FYCO1: variants seen among roughly 807,000 people sequenced by gnomAD.
The protein encoded by FYCO1 is FYVE and coiled-coil domain autophagy adaptor 1, also known as FYVE and coiled-coil domain-containing protein 1.
FYCO1 carries 122 observed loss-of-function variants against 165.1 expected under a neutral mutation model. That is an observed-to-expected ratio of 0.74 (90% CI 0.64 to 0.86). FYCO1 has a LOEUF of 0.86. FYCO1 is among the 40% of genes least tolerant of loss of function. The pLI is 0.00. For synonymous variants in FYCO1, 648 were observed against 742.5 expected, an observed-to-expected ratio of 0.87 and a Z score of 2.07; for missense variants, 1,702 against 1,810.3, an observed-to-expected ratio of 0.94 and a Z score of 1.09.
intron 15 of FYCO1, among the ~76,000 whole-genome samples, chr3:45,935,828 C>T (rs747567345): frequency 2.0e-5 from 3 of 152,094 alleles, no homozygotes; most frequent in Non-Finnish European, 4.4e-5. Flanking sequence ...GCTCTAAGCA[C>T]CTAAAATAGT....
At chr3:45,958,830 TG>T (rs1705518307) in intron 12 of FYCO1, among the ~76,000 whole-genome samples, 1 of 152,216 alleles carries the variant, frequency 6.6e-6, no homozygotes, top group Admixed American at 6.5e-5. Context: ...CCTAAGGTCC[TG>T]GGAGGCAGGG....
intron 15 of FYCO1, among the ~76,000 whole-genome samples, chr3:45,932,883 C>T (rs1703701212): frequency 6.6e-6 from 1 of 152,180 alleles, no homozygotes; most frequent in African/African-American, 2.4e-5. Context: ...CATTCTGGAA[C>T]AGACATCTTT....
At chr3:45,975,990 C>G (rs1176597588) in intron 4 of FYCO1, among the ~76,000 whole-genome samples, 1 of 152,242 alleles carries the variant, frequency 6.6e-6, no homozygotes. Flanking sequence ...TCTGCCAACG[C>G]TTTCCTGGTT....
intron 16 of FYCO1, among the ~76,000 whole-genome samples, chr3:45,928,101 G>C (rs150212602): frequency 6.6e-6 from 1 of 152,204 alleles, no homozygotes; most frequent in Admixed American, 6.5e-5. Flanking sequence ...AGGTTGGGGA[G>C]TGACTGCTAA....
intron 6 of FYCO1, among the ~76,000 whole-genome samples, chr3:45,971,753 G>C (rs190752349): frequency 1.3e-3 from 192 of 152,274 alleles, no homozygotes; most frequent in Middle Eastern, 6.8e-3. Context: ...GACTAGAGAG[G>C]CATAGCAATT....
chr3:45,952,426 T>C (rs1705083550), intron 14 of FYCO1, among the ~76,000 whole-genome samples: 1 of 152,186 alleles, frequency 6.6e-6, no homozygotes, highest in South Asian at 2.1e-4. Context: ...AGGAAAAAGC[T>C]ACCAGAAATG....
chr3:45,983,286 T>C (rs1434537790), intron 2 of FYCO1, among the ~76,000 whole-genome samples: 1 of 152,208 alleles, frequency 6.6e-6, no homozygotes, highest in East Asian at 1.9e-4. Flanking sequence ...TGGGCTGCCC[T>C]GCAGAGGAGT....
Position 45,967,964 on chromosome 3 carries a change from T to G in FYCO1, c.1370A>C (p.Glu457Ala). 1 of 1,614,112 alleles carries G rather than the reference T, an allele frequency of 6.2e-7. No homozygotes were observed. Among genetic ancestry groups the G allele is most frequent in the Non-Finnish European group, 8.5e-7 (1 of 1,180,014 alleles). ...RLVKEMAPLQ[E>A]ELSGKGQEAD... ...CTCCTGTCCCTTCCCAGACAACTCC[T>G]CCTGGAGTGGGGCCATCTCCTTCAC... Residue 457 changes from glutamate (E) to alanine (A), a missense_variant, in exon 8 of 18, where the codon GAG becomes GCG. Transcript: ENST00000296137.
chr3:45,984,449 T>C (rs6802312), intron 2 of FYCO1: 265,894 of 350,464 alleles, frequency 0.76, 104,695 homozygotes, highest in East Asian at 1. Flanking sequence ...CAAAACAAGA[T>C]AGGTGGGTCT....
intron 5 of FYCO1, 139 bp downstream of exon 5, chr3:45,975,100 A>G (rs1490357009): frequency 2.7e-6 from 2 of 745,864 alleles, no homozygotes; most frequent in African/African-American, 1.7e-5. Flanking sequence ...GGTGGAAGAC[A>G]ATGATATATG....
chr3:45,922,631 G>T (rs1470897763), intron 17 of FYCO1, among the ~76,000 whole-genome samples: 1 of 152,182 alleles, frequency 6.6e-6, no homozygotes. Flanking sequence ...AACTCCAGGG[G>T]TGCTTTCATT....
intron 6 of FYCO1, among the ~76,000 whole-genome samples, chr3:45,971,308 T>C (rs917795270): frequency 2.6e-5 from 4 of 152,182 alleles, no homozygotes; most frequent in Non-Finnish European, 5.9e-5. Context: ...AGAAAATCAC[T>C]CTGGTAATTA....
chr3:45,961,759 G>A (rs1047267407), intron 11 of FYCO1, among the ~76,000 whole-genome samples: 1 of 152,210 alleles, frequency 6.6e-6, no homozygotes, highest in Non-Finnish European at 1.5e-5. Context: ...CACTGTTGAA[G>A]CTGGGTGACA....
At chr3:45,982,085 C>T (rs981338067) in intron 2 of FYCO1, among the ~76,000 whole-genome samples, 5 of 152,136 alleles carry the variant, frequency 3.3e-5, no homozygotes, top group African/African-American at 4.8e-5. Context: ...TATAGGTAAG[C>T]GCAGGATCAG....
In FYCO1 at chr3:45,959,502, A is replaced by C. The variant is rs778312217; in HGVS notation, c.3478T>G (p.Phe1160Val). Residue 1160 changes from phenylalanine to valine, a missense_variant, in exon 12 of 18, where the codon TTC becomes GTC. Coordinates refer to ENST00000296137, the MANE Select transcript of FYCO1 (RefSeq NM_024513.4). The stretch of plus-strand genomic sequence containing the variant: ...TCCTCAGCACTGAGCTTCTGCTGGA[A>C]TTCCAGGGCATCTGACTTCTGCCAG... ...ALWQKSDALEFQQKLSAEERW... is the reference protein window; with the variant it reads ...ALWQKSDALEVQQKLSAEERW... 8 of 1,614,192 alleles carry C rather than the reference A, an allele frequency of 5.0e-6. No individual in the cohort carries two copies. Among genetic ancestry groups the C allele is most frequent in the Non-Finnish European group, 5.9e-6 (7 of 1,180,040 alleles).
chr3:45,965,076 C>A lies in FYCO1; in HGVS notation c.3107G>T (p.Gly1036Val), dbSNP rs753564319. The A allele has an allele frequency of 5.6e-6, 9 of 1,614,160 alleles. No individual in the cohort carries two copies. The highest frequency in any genetic ancestry group is 8.5e-7 in the Non-Finnish European group (1 of 1,180,024). The change falls in exon 9 of 18, where the codon GGC becomes GTC. Residue 1036 changes from glycine (G) to valine (V), a missense_variant. Coordinates refer to ENST00000296137, the MANE Select transcript of FYCO1 (RefSeq NM_024513.4). ...TTCCTCAGCAGCCTGCAGCTGCCGG[C>A]CTTGCTCCTCAAGCTGGCCCCTGAG... ...KSLRGQLEEQGRQLQAAEEAV... is the reference protein window; with the variant it reads ...KSLRGQLEEQVRQLQAAEEAV...
chr3:45,946,898 C>A, intron 14 of FYCO1: 2 of 1,614,246 alleles, frequency 1.2e-6, no homozygotes, highest in Non-Finnish European at 1.7e-6. Flanking sequence ...AGGCCTACAA[C>A]CAGCAAGCCA....
intron 12 of FYCO1, 43 bp downstream of exon 12, chr3:45,959,349 GC>G: frequency 6.2e-7 from 1 of 1,609,690 alleles, no homozygotes; most frequent in East Asian, 2.2e-5. Context: ...CTGGTCCTGG[GC>G]CCCACCAGGG....
intron 14 of FYCO1, among the ~76,000 whole-genome samples, chr3:45,950,137 C>A (rs373364694): frequency 2.4e-4 from 36 of 152,200 alleles, no homozygotes; most frequent in African/African-American, 8.2e-4. Context: ...CCATTTGGCT[C>A]TCCCTTCTGC....
Sources: gnomAD v4.1 joint callset for allele counts (sites outside exome capture counted in the v4.1 genomes callset) on GRCh38, gnomAD v4.1.1 for gene constraint, MANE v1.5 for transcripts, NCBI Gene and HGNC (gene_info 2026-07-23, HGNC 2026-07-21) for gene names.